SLC7A1: variants seen among roughly 807,000 people sequenced by gnomAD.
The protein encoded by SLC7A1 is high affinity cationic amino acid transporter 1.
SLC7A1 carries 10 observed loss-of-function variants against 53.9 expected under a neutral mutation model. The observed-to-expected ratio is 0.19, with a 90% confidence interval of 0.11 to 0.31. The LOEUF is 0.31. Among genes scored for constraint, SLC7A1 ranks in the 10% least tolerant of loss-of-function variants. The probability of loss-of-function intolerance (pLI) is 1.00; values close to 1 mark genes in which losing one functional copy is unlikely to be tolerated. For missense variants in SLC7A1, 525 were observed against 827.2 expected (o/e 0.63, Z 4.48); for synonymous variants, 342 against 338.7 (o/e 1.01, Z -0.11).
Position 29,511,843 on chromosome 13 carries a change from G to A in SLC7A1, c.*2637C>T, listed in dbSNP as rs904614894. 1 of 152,198 alleles carries A rather than the reference G, an allele frequency of 6.6e-6. No individual in the cohort carries two copies. The highest frequency in any genetic ancestry group is 1.5e-5 in the Non-Finnish European group (1 of 68,046). The allele number at this position is 152,198 out of a possible 1,614,324, so 9.4% of individuals were successfully genotyped here. A position where few individuals can be genotyped will look rare whatever the true frequency, so the allele number is the denominator to read the frequency against. ...TGTGGCTGGTGCACAGATAAAAGTA[G>A]ACACAATACTCCTTGGTGGGTGTGC... On this transcript the variant is annotated 3_prime_UTR_variant, in exon 13 of 13. Transcript: ENST00000380752.
intron 1 of SLC7A1, among the ~76,000 whole-genome samples, chr13:29,574,221 C>G (rs1461249450): frequency 5.3e-5 from 8 of 152,198 alleles, no homozygotes; most frequent in Non-Finnish European, 8.8e-5. Context: ...GTGTGACATT[C>G]TCTTTCATTC....
Position 29,530,549 on chromosome 13 carries a change from G to C in SLC7A1, c.693C>G (p.Leu231=), listed in dbSNP as rs376513351. 2.0e-5 allele frequency: 32 copies of C among 1,613,894 alleles called. No individual in the cohort carries two copies. Among genetic ancestry groups the C allele is most frequent in the Non-Finnish European group, 2.6e-5 (31 of 1,179,980 alleles). Residue 231 remains leucine, a synonymous_variant, in exon 5 of 13, where the codon CTC becomes CTG. Transcript: ENST00000380752. ...EEDFGNTSGR[L]CLNNDTKEGK... is the part of the protein sequence containing the mutation. ...AAGCAGCAACTCACTTGTTCAAACA[G>C]AGACGGCCTGATGTGTTCCCAAAAT... is the stretch of plus-strand genomic sequence containing the variant.
At chr13:29,559,459 T>A (rs1446090719) in intron 1 of SLC7A1, among the ~76,000 whole-genome samples, 1 of 632 alleles carries the variant, frequency 1.6e-3, no homozygotes, top group African/African-American at 7.9e-3. Flanking sequence ...TGAGGGGGAG[T>A]GAATGTGAGT....
chr13:29,534,460 T>C (rs114096769), intron 3 of SLC7A1, among the ~76,000 whole-genome samples: 116 of 152,328 alleles, frequency 7.6e-4, no homozygotes, highest in African/African-American at 2.6e-3. Flanking sequence ...TAAGTTTTGA[T>C]GTGGCATTGA....
chr13:29,571,374 T>G (rs1054195031), intron 1 of SLC7A1, among the ~76,000 whole-genome samples: 10 of 152,248 alleles, frequency 6.6e-5, no homozygotes, highest in Non-Finnish European at 1.3e-4. Flanking sequence ...TGACATTTTA[T>G]GGCCGATTTT....
chr13:29,567,989 G>A (rs1871041287), intron 1 of SLC7A1, among the ~76,000 whole-genome samples: 1 of 152,128 alleles, frequency 6.6e-6, no homozygotes, highest in Non-Finnish European at 1.5e-5. Flanking sequence ...TCACAGAGGG[G>A]CAGGGTGGGC....
chr13:29,559,784 C>G (rs1037105751), intron 1 of SLC7A1, among the ~76,000 whole-genome samples: 3 of 151,130 alleles, frequency 2.0e-5, no homozygotes, highest in East Asian at 1.9e-4. Context: ...GGCGCGATCT[C>G]GGCTCACTGC....
At chr13:29,575,294 C>T in intron 1 of SLC7A1, among the ~76,000 whole-genome samples, 1 of 152,222 alleles carries the variant, frequency 6.6e-6, no homozygotes, top group South Asian at 2.1e-4. Context: ...ATTTCTCTTG[C>T]TCTGTGCTGG....
intron 1 of SLC7A1, among the ~76,000 whole-genome samples, chr13:29,567,198 T>A (rs1473253295): frequency 6.6e-6 from 1 of 152,164 alleles, no homozygotes; most frequent in African/African-American, 2.4e-5. Context: ...GGGCGCAGAA[T>A]AATAAAAATG....
intron 3 of SLC7A1, among the ~76,000 whole-genome samples, chr13:29,533,951 C>T (rs9579392): frequency 0.07 from 10,601 of 152,236 alleles, 459 homozygotes; most frequent in Middle Eastern, 0.14. Flanking sequence ...TTCAATTTCA[C>T]TATTTGGTCT....
chr13:29,522,731 T>A (rs916280590), intron 7 of SLC7A1, among the ~76,000 whole-genome samples: 4 of 152,248 alleles, frequency 2.6e-5, no homozygotes, highest in African/African-American at 9.6e-5. Context: ...TCTTTACAGA[T>A]GGAAAACTGT....
chr13:29,552,820 A>T (rs115223026), intron 2 of SLC7A1, among the ~76,000 whole-genome samples: 3,167 of 152,010 alleles, frequency 0.021, 92 homozygotes, highest in African/African-American at 0.071. Context: ...CGTCAGCCCC[A>T]ATTTCCCACT....
chr13:29,534,137 C>T (rs9579393), intron 3 of SLC7A1, among the ~76,000 whole-genome samples: 10,608 of 152,228 alleles, frequency 0.07, 457 homozygotes, highest in Middle Eastern at 0.14. Flanking sequence ...GTGACAGGGG[C>T]TACCCCAGCC....
intron 1 of SLC7A1, among the ~76,000 whole-genome samples, chr13:29,554,238 G>A (rs1870332947): frequency 6.6e-6 from 1 of 152,228 alleles, no homozygotes; most frequent in Non-Finnish European, 1.5e-5. Context: ...AGGGGAACGA[G>A]TCCGCTCCTG....
rs1849748414 is a variant in SLC7A1 at position 29,509,498 on chromosome 13, T to C, written c.*4982A>G. 1 of 152,616 alleles carries C rather than the reference T, an allele frequency of 6.6e-6. No homozygotes were observed. Among genetic ancestry groups the C allele is most frequent in the South Asian group, 2.1e-4 (1 of 4,824 alleles). The allele number at this position is 152,616 out of a possible 1,614,324, so 9.5% of individuals were successfully genotyped here. On this transcript the variant is annotated 3_prime_UTR_variant, in exon 13 of 13. Transcript: ENST00000380752. ...TTTGATTTTACAACATAAAGTATGGTAGGAAGTGGTCAATGTACACAGTGT... is the reference window on the plus strand; with the variant it reads ...TTTGATTTTACAACATAAAGTATGGCAGGAAGTGGTCAATGTACACAGTGT...
chr13:29,556,559 T>G (rs965872484), intron 1 of SLC7A1, among the ~76,000 whole-genome samples: 2 of 152,104 alleles, frequency 1.3e-5, no homozygotes, highest in Non-Finnish European at 2.9e-5. Flanking sequence ...TTGTATTTTT[T>G]GTAGAAACAG....
intron 1 of SLC7A1, among the ~76,000 whole-genome samples, chr13:29,559,778 C>T (rs181406193): frequency 5.3e-5 from 8 of 151,346 alleles, no homozygotes; most frequent in East Asian, 3.9e-4. Flanking sequence ...TGCAGTGGCG[C>T]GATCTCGGCT....
At chr13:29,559,785 G>A (rs896856687) in intron 1 of SLC7A1, among the ~76,000 whole-genome samples, 15 of 150,576 alleles carry the variant, frequency 1.0e-4, no homozygotes, top group African/African-American at 2.9e-4. Context: ...GCGCGATCTC[G>A]GCTCACTGCA....
At position 29,519,404 on chromosome 13, in the gene SLC7A1, G is replaced by A. The variant is rs548886776; in HGVS notation, c.1292+43C>T. Reference sequence around the variant, plus strand: ...CTGAACTGTGAAAAGGCTACCAGGTGCATCTGCATTTCTGTCATGAGACCC... The same window carrying A: ...CTGAACTGTGAAAAGGCTACCAGGTACATCTGCATTTCTGTCATGAGACCC... On this transcript the variant is annotated intron_variant, in intron 9 of 12. Coordinates refer to ENST00000380752, the MANE Select transcript of SLC7A1 (RefSeq NM_003045.5). The A allele has an allele frequency of 8.9e-6, 10 of 1,119,484 alleles. No homozygotes were observed. The South Asian group carries it at 1.1e-4, about 13-fold the overall frequency. 69.3% of individuals were successfully genotyped at this position (1,119,484 alleles called of 1,614,324 possible).
Sources: gnomAD v4.1 joint callset for allele counts (sites outside exome capture counted in the v4.1 genomes callset) on GRCh38, gnomAD v4.1.1 for gene constraint, MANE v1.5 for transcripts, NCBI Gene and HGNC (gene_info 2026-07-23, HGNC 2026-07-21) for gene names.